CD226: variants seen among roughly 807,000 people sequenced by gnomAD.
CD226 encodes the protein CD226 antigen.
Under a neutral mutation model 34.9 loss-of-function variants are expected in CD226, and 24 were observed. That is an observed-to-expected ratio of 0.69 (90% CI 0.50 to 0.97). The LOEUF is 0.97. Ranked by LOEUF, CD226 falls within the 50% of genes least tolerant of loss-of-function variation. CD226 has a pLI of 0.00. For synonymous variants in CD226, 148 were observed against 147.4 expected, an observed-to-expected ratio of 1.00 and a Z score of -0.03; for missense variants, 397 against 412.7, an observed-to-expected ratio of 0.96 and a Z score of 0.33.
At chr18:69,923,903 G>A (rs1236365759) in intron 2 of CD226, among the ~76,000 whole-genome samples, 5 of 150,472 alleles carry the variant, frequency 3.3e-5, no homozygotes, top group African/African-American at 1.2e-4. Flanking sequence ...GCAGTGAGCC[G>A]AGATCGCGCC....
rs200937937 is a variant in CD226 at position 69,855,324 on chromosome 18, TA to T, written c.*8989del. ...GAAAGATGGAAACACTAAGAAGGAATAAAAAAGAAATGGTAGCAATAAAAAA... is the reference window on the plus strand; with the variant it reads ...GAAAGATGGAAACACTAAGAAGGAATAAAAAGAAATGGTAGCAATAAAAAA... On this transcript the variant is annotated 3_prime_UTR_variant, in exon 6 of 6. Coordinates refer to ENST00000582621, the MANE Select transcript of CD226 (RefSeq NM_001303618.2). 6.6e-6 allele frequency: 1 copy of T among 151,328 alleles called. No homozygotes were observed. The highest frequency in any genetic ancestry group is 6.6e-5 in the Admixed American group (1 of 15,212). 9.4% of individuals were successfully genotyped at this position (151,328 alleles called of 1,614,324 possible).
chr18:69,891,838 T>C (rs907053764), intron 3 of CD226, among the ~76,000 whole-genome samples: 1 of 152,254 alleles, frequency 6.6e-6, no homozygotes, highest in Non-Finnish European at 1.5e-5. Flanking sequence ...TTCATGATTA[T>C]TGTTTTGCCA....
chr18:69,912,521 GT>G (rs2055337855), intron 2 of CD226, among the ~76,000 whole-genome samples: 1 of 152,204 alleles, frequency 6.6e-6, no homozygotes, highest in African/African-American at 2.4e-5. Context: ...AGATTGAGAT[GT>G]CTAGGCTACA....
At chr18:69,917,937 G>T (rs2055405488) in intron 2 of CD226, among the ~76,000 whole-genome samples, 1 of 152,104 alleles carries the variant, frequency 6.6e-6, no homozygotes, top group African/African-American at 2.4e-5. Context: ...ATGACCAAGA[G>T]CCCCTGGCTC....
chr18:69,944,808 G>A (rs1362350089), intron 2 of CD226, among the ~76,000 whole-genome samples: 1 of 152,222 alleles, frequency 6.6e-6, no homozygotes, highest in Non-Finnish European at 1.5e-5. Context: ...AACAGCAAAT[G>A]AGGACTTGTA....
In CD226 at chr18:69,859,737, T is replaced by C. The variant is rs1204990806; in HGVS notation, c.*4577A>G. 6.6e-6 allele frequency: 1 copy of C among 152,022 alleles called. No individual in the cohort carries two copies. Among genetic ancestry groups the C allele is most frequent in the African/African-American group, 2.4e-5 (1 of 41,408 alleles). The allele number at this position is 152,022 out of a possible 1,614,324, so 9.4% of individuals were successfully genotyped here. Reference sequence around the variant, plus strand: ...AACAAAAACAAACAAACAAAAAACCTGTAAAGCCCTTTGACCCTTTGCACT... The same window carrying C: ...AACAAAAACAAACAAACAAAAAACCCGTAAAGCCCTTTGACCCTTTGCACT... On this transcript the variant is annotated 3_prime_UTR_variant, in exon 6 of 6. Transcript: ENST00000582621.
Position 69,862,921 on chromosome 18 carries a change from T to C in CD226, c.*1393A>G, listed in dbSNP as rs1448232839. 6.6e-6 allele frequency: 1 copy of C among 152,188 alleles called. No individual in the cohort carries two copies. The highest frequency in any genetic ancestry group is 1.5e-5 in the Non-Finnish European group (1 of 68,002). 9.4% of individuals were successfully genotyped at this position (152,188 alleles called of 1,614,324 possible). A position where few individuals can be genotyped will look rare whatever the true frequency, so the allele number is the denominator to read the frequency against. ...AGATAAATAATGAATCTTTTAGACA[T>C]GAATGATCACTATATTTAACAATAA... On this transcript the variant is annotated 3_prime_UTR_variant, in exon 6 of 6. Transcript: ENST00000582621.
chr18:69,878,806 C>T (rs1984036726), intron 3 of CD226, among the ~76,000 whole-genome samples: 4 of 152,162 alleles, frequency 2.6e-5, no homozygotes, highest in Admixed American at 2.6e-4. Context: ...CTTTCAGGGT[C>T]AAGCAATTCC....
chr18:69,961,679 C>T (rs2055930293), upstream of CD226: 1 of 152,194 alleles, frequency 6.6e-6, no homozygotes, highest in African/African-American at 2.4e-5. Flanking sequence ...TTTTTAGTCC[C>T]CCTCTCTTGA....
At chr18:69,864,755 AAC>A (rs1237880305) in intron 5 of CD226, among the ~76,000 whole-genome samples, 4 of 152,230 alleles carry the variant, frequency 2.6e-5, no homozygotes, top group Non-Finnish European at 4.4e-5. Context: ...TGGAAATTCT[AAC>A]ACAGTGTCTG....
Position 69,867,386 on chromosome 18 carries a change from G to A in CD226, c.856C>T (p.Leu286=). The change falls in exon 5 of 6, where the codon CTA becomes TTA. Residue 286 remains leucine (L), a synonymous_variant. Coordinates refer to ENST00000582621, the MANE Select transcript of CD226 (RefSeq NM_001303618.2). ...TGTGTATCCCAGGACTCTGTAAATA[G>A]ATCTCTTCTCTCTCTCCTTCTCCTT... The part of the protein sequence containing the change: ...NRRRRRERRD[L]FTESWDTQKA... The A allele has an allele frequency of 6.3e-7, 1 of 1,594,206 alleles. No individual in the cohort carries two copies. Among genetic ancestry groups the A allele is most frequent in the Non-Finnish European group, 8.6e-7 (1 of 1,162,204 alleles).
In CD226 at chr18:69,863,629, C is replaced by G. The variant is rs1412271212; in HGVS notation, c.*685G>C. 1 of 152,154 alleles carries G rather than the reference C, an allele frequency of 6.6e-6. No homozygotes were observed. Among genetic ancestry groups the G allele is most frequent in the Non-Finnish European group, 1.5e-5 (1 of 68,032 alleles). 9.4% of individuals were successfully genotyped at this position (152,154 alleles called of 1,614,324 possible). On this transcript the variant is annotated 3_prime_UTR_variant, in exon 6 of 6. Transcript: ENST00000582621. ...TTCACTTTTTAGTTAACAAAAATGT[C>G]TTGGTTAATCACTGCAGTCAATATT...
At chr18:69,927,555 C>G (rs770757734) in intron 2 of CD226, among the ~76,000 whole-genome samples, 7 of 152,124 alleles carry the variant, frequency 4.6e-5, no homozygotes, top group African/African-American at 9.7e-5. Flanking sequence ...CCCCCACCCC[C>G]GACAACTACC....
In CD226 at chr18:69,863,511, C is replaced by A. The variant is rs1203121357; in HGVS notation, c.*803G>T. On this transcript the variant is annotated 3_prime_UTR_variant, in exon 6 of 6. Transcript: ENST00000582621. ...TTATCTTCCTCTTGAATATTCATTT[C>A]TTCTACTGCCAGGTATTCTTCTGGA... 2 of 152,116 alleles carry A rather than the reference C, an allele frequency of 1.3e-5. No individual in the cohort carries two copies. Among genetic ancestry groups the A allele is most frequent in the Non-Finnish European group, 2.9e-5 (2 of 68,022 alleles). The allele number at this position is 152,116 out of a possible 1,614,324, so 9.4% of individuals were successfully genotyped here.
chr18:69,890,601 A>G (rs1984836748), intron 3 of CD226, among the ~76,000 whole-genome samples: 1 of 152,186 alleles, frequency 6.6e-6, no homozygotes, highest in South Asian at 2.1e-4. Context: ...GGAAAAAAAC[A>G]TAGACATTGA....
At chr18:69,874,014 T>C (rs542781902) in intron 3 of CD226, among the ~76,000 whole-genome samples, 1 of 150,898 alleles carries the variant, frequency 6.6e-6, no homozygotes, top group Non-Finnish European at 1.5e-5. Context: ...TTGGTAATGA[T>C]ACAAAAAATC....
upstream of CD226, among the ~76,000 whole-genome samples, chr18:69,948,823 T>C (rs528687238): frequency 6.6e-6 from 1 of 152,144 alleles, no homozygotes; most frequent in Non-Finnish European, 1.5e-5. Context: ...GGAAATACAA[T>C]CATAAAGAGG....
At chr18:69,870,240 G>A (rs897421239) in intron 4 of CD226, among the ~76,000 whole-genome samples, 2 of 150,176 alleles carry the variant, frequency 1.3e-5, no homozygotes, top group African/African-American at 4.9e-5. Context: ...CTACACTCAG[G>A]TGCACATCTA....
rs557979651 is a variant in CD226 at position 69,902,216 on chromosome 18, C to A, written c.383-6171G>T. Among the ~76,000 whole-genome samples, 12 of 152,226 alleles carry A rather than the reference C, an allele frequency of 7.9e-5. No individual in the cohort carries two copies. In the South Asian group the frequency reaches 2.5e-3, roughly 32 times the overall value. ...CTAAGTGGACTGTTCTCTCTCTCACCTCTAAACGGGATCTTTCTCCCATTC... is the reference window on the plus strand; with the variant it reads ...CTAAGTGGACTGTTCTCTCTCTCACATCTAAACGGGATCTTTCTCCCATTC... On this transcript the variant is annotated intron_variant, in intron 2 of 5. Transcript: ENST00000582621.
Sources: gnomAD v4.1 joint callset for allele counts (sites outside exome capture counted in the v4.1 genomes callset) on GRCh38, gnomAD v4.1.1 for gene constraint, MANE v1.5 for transcripts, NCBI Gene and HGNC (gene_info 2026-07-23, HGNC 2026-07-21) for gene names.